Variants in BMX observed in about 807,000 individuals in gnomAD.
BMX encodes cytoplasmic tyrosine-protein kinase BMX.
Under a neutral mutation model 59.2 loss-of-function variants are expected in BMX, and 31 were observed. The observed-to-expected ratio is 0.52, with a 90% CI of 0.39 to 0.71. The LOEUF (loss-of-function observed/expected upper bound fraction) is 0.71, where lower values mean the gene tolerates loss of function less well. Among genes scored for constraint, BMX ranks in the 30% least tolerant of loss-of-function variants. The probability of loss-of-function intolerance (pLI) is 0.00; values close to 1 mark genes in which losing one functional copy is unlikely to be tolerated. For synonymous variants in BMX, 185 were observed against 181.0 expected (o/e 1.02, Z -0.18); for missense variants, 474 against 491.7 (o/e 0.96, Z 0.34).
intron 6 of BMX, 43 bp downstream of exon 6, chrX:15,518,036 T>A (rs758363110): frequency 6.5e-6 from 7 of 1,074,061 alleles, no homozygotes; most frequent in Non-Finnish European, 8.9e-6. Context: ...TCAGGATATA[T>A]TAAATAAACC....
At chrX:15,504,555 C>T (rs902792538) in intron 1 of BMX, among the ~76,000 whole-genome samples, 2 of 112,116 alleles carry the variant, frequency 1.8e-5, no homozygotes, top group African/African-American at 6.5e-5. Context: ...ATGTTGGACA[C>T]ACTGTAGGCT....
At chrX:15,550,402 G>A (rs530634566) in intron 18 of BMX, among the ~76,000 whole-genome samples, 1 of 110,305 alleles carries the variant, frequency 9.1e-6, no homozygotes, top group African/African-American at 3.3e-5. Flanking sequence ...GGAGCTCCTC[G>A]AGTAGAAAAT....
At chrX:15,513,547 C>T (rs1488528163) in intron 4 of BMX, among the ~76,000 whole-genome samples, 2 of 111,850 alleles carry the variant, frequency 1.8e-5, no homozygotes, top group African/African-American at 3.2e-5. Context: ...AATGGCTCCT[C>T]CTGCCTTTTG....
intron 1 of BMX, among the ~76,000 whole-genome samples, chrX:15,501,766 A>G (rs1225535562): frequency 9.0e-6 from 1 of 111,640 alleles, no homozygotes; most frequent in Non-Finnish European, 1.9e-5. Context: ...TGGTGGCACA[A>G]ATACACAGTC....
chrX:15,518,714 A>G (rs751496382), intron 6 of BMX, among the ~76,000 whole-genome samples: 28 of 111,226 alleles, frequency 2.5e-4, no homozygotes, highest in Non-Finnish European at 4.5e-4. Context: ...TGGCCCTTTC[A>G]GAGTTAGTTC....
intron 14 of BMX, among the ~76,000 whole-genome samples, chrX:15,539,964 C>T (rs1447733634): frequency 3.6e-5 from 4 of 112,255 alleles, no homozygotes; most frequent in Non-Finnish European, 7.5e-5. Flanking sequence ...GAAATAGGAA[C>T]GCTTTTACAC....
chrX:15,555,201 CTTTTTTTT>C (rs34118728), intron 18 of BMX, among the ~76,000 whole-genome samples: 6 of 41,590 alleles, frequency 1.4e-4, no homozygotes, highest in East Asian at 1.0e-3. Flanking sequence ...ACGAGGGAAG[CTTTTTTTT>C]TTTTTTTTTT....
intron 2 of BMX, among the ~76,000 whole-genome samples, 199 bp from the exon 3 acceptor site, chrX:15,509,130 A>G (rs1017484815): frequency 9.0e-6 from 1 of 111,093 alleles, no homozygotes; most frequent in African/African-American, 3.3e-5. Flanking sequence ...AACCACTGGA[A>G]TATATGTGTT....
Position 15,518,055 on chromosome X carries a change from C to T in BMX, c.510+62C>T, listed in dbSNP as rs16979941. 22,354 of 973,935 alleles carry T rather than the reference C, an allele frequency of 0.023. 2,245 individuals carry two copies. In the African/African-American group the frequency reaches 0.33, roughly 14 times the overall value. The allele number at this position is 973,935 out of a possible 1,213,427, so 80.3% of individuals were successfully genotyped here. A position where few individuals can be genotyped will look rare whatever the true frequency, so the allele number is the denominator to read the frequency against. ...GATATATTAAATAAACCAAGAGTTG[C>T]CAGATTCAAGACTAGAAAATGTGGA... is the stretch of plus-strand genomic sequence containing the variant. On this transcript the variant is annotated intron_variant, in intron 6 of 18. Transcript: ENST00000348343.
At chrX:15,508,741 T>C (rs1311640752) in intron 2 of BMX, among the ~76,000 whole-genome samples, 1 of 112,125 alleles carries the variant, frequency 8.9e-6, no homozygotes, top group Non-Finnish European at 1.9e-5. Flanking sequence ...ACTGAGGGCA[T>C]TTTTGCTCCC....
chrX:15,537,135 A>C lies in BMX; in HGVS notation c.1224A>C (p.Gly408=), dbSNP rs949486788. 5 of 1,208,850 alleles carry C rather than the reference A, an allele frequency of 4.1e-6. No individual in the cohort carries two copies. The African/African-American group carries it at 8.8e-5, about 21-fold the overall frequency. ...AGAATGTCCGTCTTGCCTTGTTAGG[A>C]ATCTGGGAACTGAAAAGAGAAGAGA... ...KVPDSVSLGN[G]IWELKREEIT... The change falls in exon 14 of 19, where the codon GGA becomes GGC. Residue 408 remains glycine (G), a splice_region_variant and synonymous_variant. Coordinates refer to ENST00000348343, the MANE Select transcript of BMX (RefSeq NM_203281.3).
At chrX:15,528,487 C>G (rs1161331564) in intron 9 of BMX, among the ~76,000 whole-genome samples, 2 of 111,108 alleles carry the variant, frequency 1.8e-5, no homozygotes, top group Non-Finnish European at 3.8e-5. Context: ...GACAAAACCT[C>G]ATCTCTACAA....
chrX:15,553,851 G>C (rs972062647), intron 18 of BMX, among the ~76,000 whole-genome samples: 4 of 111,456 alleles, frequency 3.6e-5, no homozygotes, highest in Non-Finnish European at 7.5e-5. Context: ...CCATAGGATG[G>C]ACAGGGGCCC....
intron 4 of BMX, 29 bp downstream of exon 4, chrX:15,511,547 G>C (rs1422420983): frequency 8.7e-7 from 1 of 1,152,804 alleles, no homozygotes; most frequent in Non-Finnish European, 1.2e-6. Context: ...TGTTGAAAGA[G>C]AAAGGTCAAA....
Position 15,536,345 on chromosome X carries a change from C to A in BMX, c.1148-8C>A, listed in dbSNP as rs1925342352. 8.3e-7 allele frequency: 1 copy of A among 1,203,230 alleles called. No individual in the cohort carries two copies. Among genetic ancestry groups the A allele is most frequent in the Admixed American group, 2.2e-5 (1 of 45,207 alleles). On this transcript the variant is annotated splice_polypyrimidine_tract_variant and splice_region_variant and intron_variant, in intron 12 of 18. Coordinates refer to ENST00000348343, the MANE Select transcript of BMX (RefSeq NM_203281.3). ...TGATGTGATGATATGATGCTGATTCCATTGCAGGCATGATCACACGGCTCC... is the reference window on the plus strand; with the variant it reads ...TGATGTGATGATATGATGCTGATTCAATTGCAGGCATGATCACACGGCTCC...
intron 2 of BMX, 85 bp downstream of exon 2, chrX:15,508,576 T>G: frequency 2.5e-6 from 2 of 794,791 alleles, no homozygotes; most frequent in Non-Finnish European, 3.5e-6. Context: ...AATGAAAGAA[T>G]ATCAGGTTTC....
At chrX:15,542,433 A>G (rs1925738147) in intron 15 of BMX, among the ~76,000 whole-genome samples, 1 of 112,077 alleles carries the variant, frequency 8.9e-6, no homozygotes, top group Non-Finnish European at 1.9e-5. Flanking sequence ...TGTTGTGGCA[A>G]GAAGGAGAAC....
In BMX at chrX:15,522,461, C is replaced by T; in HGVS notation, c.626C>T (p.Ser209Leu). ...AACTATGGCTCCCAGCCACCATCTT[C>T]AAGTACCAGTCTAGCGCAATATGAC... is the stretch of plus-strand genomic sequence containing the variant. ...KKNYGSQPPSSSTSLAQYDSN... is the reference protein window; with the variant it reads ...KKNYGSQPPSLSTSLAQYDSN... The change falls in exon 7 of 19, where the codon TCA becomes TTA. Residue 209 changes from serine to leucine, a missense_variant. Coordinates refer to ENST00000348343, the MANE Select transcript of BMX (RefSeq NM_203281.3). 1 of 1,212,348 alleles carries T rather than the reference C, an allele frequency of 8.2e-7. No individual in the cohort carries two copies. Among genetic ancestry groups the T allele is most frequent in the Middle Eastern group, 2.3e-4 (1 of 4,355 alleles).
intron 14 of BMX, among the ~76,000 whole-genome samples, chrX:15,538,001 T>C (rs185535605): frequency 9.0e-6 from 1 of 110,954 alleles, no homozygotes; most frequent in African/African-American, 3.3e-5. Flanking sequence ...AAATTAATGC[T>C]CTACCAACAA....
Sources: gnomAD v4.1 joint callset for allele counts (sites outside exome capture counted in the v4.1 genomes callset) on GRCh38, gnomAD v4.1.1 for gene constraint, MANE v1.5 for transcripts, NCBI Gene and HGNC (gene_info 2026-07-23, HGNC 2026-07-21) for gene names.